The following KLHDC7A variants were observed in gnomAD, a reference collection of about 807,000 sequenced individuals.
KLHDC7A encodes kelch domain-containing protein 7A.
For missense variants in KLHDC7A, 1,123 were observed against 1,052.6 expected, an observed-to-expected ratio of 1.07 and a Z score of -0.93; for synonymous variants, 464 against 461.0, an observed-to-expected ratio of 1.01 and a Z score of -0.08.
chr1:18,482,197 C>G lies in KLHDC7A; in HGVS notation c.1216C>G (p.His406Asp), dbSNP rs940673438. 1 of 1,610,808 alleles carries G rather than the reference C, an allele frequency of 6.2e-7. No homozygotes were observed. Among genetic ancestry groups the G allele is most frequent in the Non-Finnish European group, 8.5e-7 (1 of 1,179,888 alleles). Residue 406 changes from histidine to aspartate, a missense_variant, in exon 1 of 1, where the codon CAT becomes GAT. Coordinates refer to ENST00000400664, the MANE Select transcript of KLHDC7A (RefSeq NM_152375.3). Reference sequence around the variant, plus strand: ...CTTAGGCAGAAGCAGCCGGGAGCCCCATGTGCAGCCGGTGGCCGGGACCAA... The same window carrying G: ...CTTAGGCAGAAGCAGCCGGGAGCCCGATGTGCAGCCGGTGGCCGGGACCAA... ...PGLGRSSREP[H>D]VQPVAGTNFF...
chr1:18,481,772 C>T lies in KLHDC7A; in HGVS notation c.791C>T (p.Ser264Phe), dbSNP rs1252925653. The change falls in exon 1 of 1, where the codon TCC becomes TTC. Residue 264 changes from serine to phenylalanine, a missense_variant. By Grantham distance (155) the Ser-to-Phe change is radical. Transcript: ENST00000400664. ...GAPNSSYTFS[S>F]IARVRMEEHF... ...CCCAACTCCTCCTATACCTTCTCAT[C>T]CATAGCCCGCGTCCGAATGGAGGAG... 6.2e-7 allele frequency: 1 copy of T among 1,613,980 alleles called. No homozygotes were observed. The highest frequency in any genetic ancestry group is 8.5e-7 in the Non-Finnish European group (1 of 1,180,012).
Position 18,481,476 on chromosome 1 carries a change from G to A in KLHDC7A, c.495G>A (p.Pro165=), listed in dbSNP as rs769337343. 1.9e-6 allele frequency: 3 copies of A among 1,613,628 alleles called. No individual in the cohort carries two copies. The highest frequency in any genetic ancestry group is 2.5e-6 in the Non-Finnish European group (3 of 1,180,006). The change falls in exon 1 of 1, where the codon CCG becomes CCA. Residue 165 remains proline (P), a synonymous_variant. Coordinates refer to ENST00000400664, the MANE Select transcript of KLHDC7A (RefSeq NM_152375.3). ...ATTTCCCCCGCTTGGGCAGCGAACC[G>A]AAGAGCTCCCCAGCTGGACTCATTG... is the stretch of plus-strand genomic sequence containing the variant. The part of the protein sequence containing the change: ...PPHFPRLGSE[P]KSSPAGLIAA...
Position 18,483,908 on chromosome 1 carries a change from A to T in KLHDC7A, c.*593A>T. 1 of 1,302,396 alleles carries T rather than the reference A, an allele frequency of 7.7e-7. No homozygotes were observed. Among genetic ancestry groups the T allele is most frequent in the Non-Finnish European group, 1.0e-6 (1 of 988,064 alleles). The allele number at this position is 1,302,396 out of a possible 1,614,324, so 80.7% of individuals were successfully genotyped here. On this transcript the variant is annotated 3_prime_UTR_variant, in exon 1 of 1. Coordinates refer to ENST00000400664, the MANE Select transcript of KLHDC7A (RefSeq NM_152375.3). ...GGAGTGGTGGTTTGAAAAGTAGAAC[A>T]GCTGAAGCTGGGGCCAGCCTAGGAG...
Position 18,481,464 on chromosome 1 carries a change from G to C in KLHDC7A, c.483G>C (p.Leu161Phe). 1 of 1,613,712 alleles carries C rather than the reference G, an allele frequency of 6.2e-7. No individual in the cohort carries two copies. The highest frequency in any genetic ancestry group is 8.5e-7 in the Non-Finnish European group (1 of 1,180,008). The change falls in exon 1 of 1, where the codon TTG becomes TTC. Residue 161 changes from leucine to phenylalanine, a missense_variant. Physicochemically the swap from Leu to Phe is conservative, Grantham distance 22. Transcript: ENST00000400664. ...SNPDPPHFPR[L>F]GSEPKSSPAG... ...CTGACCCTCCCCATTTCCCCCGCTT[G>C]GGCAGCGAACCGAAGAGCTCCCCAG... is the stretch of plus-strand genomic sequence containing the variant.
rs550601820 is a variant in KLHDC7A, at chr1:18,483,584, G to A, written c.*269G>A. 4.5e-4 allele frequency: 619 copies of A among 1,362,882 alleles called. 7 individuals carry two copies. The Admixed American group carries it at 6.6e-3, about 15-fold the overall frequency. The allele number at this position is 1,362,882 out of a possible 1,614,324, so 84.4% of individuals were successfully genotyped here. A position where few individuals can be genotyped will look rare whatever the true frequency, so the allele number is the denominator to read the frequency against. ...GGCATTCATGTCTTCAGGGATGACC[G>A]CCCTTGCTTCAACTCTGAATTCTTG... On this transcript the variant is annotated 3_prime_UTR_variant, in exon 1 of 1. Transcript: ENST00000400664.
In KLHDC7A at chr1:18,483,609, G is replaced by A; in HGVS notation, c.*294G>A. 7.6e-7 allele frequency: 1 copy of A among 1,316,144 alleles called. No individual in the cohort carries two copies. Among genetic ancestry groups the A allele is most frequent in the Non-Finnish European group, 9.8e-7 (1 of 1,018,242 alleles). 81.5% of individuals were successfully genotyped at this position (1,316,144 alleles called of 1,614,324 possible). A position where few individuals can be genotyped will look rare whatever the true frequency, so the allele number is the denominator to read the frequency against. ...GCCCTTGCTTCAACTCTGAATTCTT[G>A]GGGGGATACACCGGGACCCCACCAA... is the stretch of plus-strand genomic sequence containing the variant. On this transcript the variant is annotated 3_prime_UTR_variant, in exon 1 of 1. Coordinates refer to ENST00000400664, the MANE Select transcript of KLHDC7A (RefSeq NM_152375.3).
chr1:18,485,226 T>A lies in KLHDC7A; in HGVS notation c.*1911T>A, dbSNP rs2086925641. On this transcript the variant is annotated 3_prime_UTR_variant, in exon 1 of 1. Transcript: ENST00000400664. ...CCTAGATCCAACCTTCAACCCCTAGTGAGGGGCCAGGCAGAGGACAAGGCA... is the reference window on the plus strand; with the variant it reads ...CCTAGATCCAACCTTCAACCCCTAGAGAGGGGCCAGGCAGAGGACAAGGCA... 1 of 166,518 alleles carries A rather than the reference T, an allele frequency of 6.0e-6. No homozygotes were observed. The highest frequency in any genetic ancestry group is 2.4e-5 in the African/African-American group (1 of 41,206). The allele number at this position is 166,518 out of a possible 1,614,324, so 10.3% of individuals were successfully genotyped here. A position where few individuals can be genotyped will look rare whatever the true frequency, so the allele number is the denominator to read the frequency against.
In KLHDC7A at chr1:18,483,652, C is replaced by A; in HGVS notation, c.*337C>A. 8.1e-7 allele frequency: 1 copy of A among 1,235,286 alleles called. No individual in the cohort carries two copies. The allele number at this position is 1,235,286 out of a possible 1,614,324, so 76.5% of individuals were successfully genotyped here. A position where few individuals can be genotyped will look rare whatever the true frequency, so the allele number is the denominator to read the frequency against. On this transcript the variant is annotated 3_prime_UTR_variant, in exon 1 of 1. Coordinates refer to ENST00000400664, the MANE Select transcript of KLHDC7A (RefSeq NM_152375.3). ...CCCACCAAAGCTTAGGGGGCATAGT[C>A]TTTTTGCAATCACAATTCTAGGAGC... is the stretch of plus-strand genomic sequence containing the variant.
Position 18,483,783 on chromosome 1 carries a change from T to C in KLHDC7A, c.*468T>C. On this transcript the variant is annotated 3_prime_UTR_variant, in exon 1 of 1. Transcript: ENST00000400664. The stretch of plus-strand genomic sequence containing the variant: ...CAGCCACTGGGCCCCACCTCCACAG[T>C]TCCCAGAAGCACCGGGACACACAGG... 5.0e-6 allele frequency: 6 copies of C among 1,209,722 alleles called. No individual in the cohort carries two copies. Among genetic ancestry groups the C allele is most frequent in the Non-Finnish European group, 5.3e-6 (5 of 946,842 alleles). 74.9% of individuals were successfully genotyped at this position (1,209,722 alleles called of 1,614,324 possible). A position where few individuals can be genotyped will look rare whatever the true frequency, so the allele number is the denominator to read the frequency against.
rs1325688639 is a variant in KLHDC7A at position 18,482,004 on chromosome 1, T to G, written c.1023T>G (p.Gly341=). ...GAGGCCAAGCCGGTGACACAAAGGG[T>G]GCAGCCGAAAGAGCCGCCTCCCCGC... ...ASGGQAGDTK[G]AAERAASPQT... The change falls in exon 1 of 1, where the codon GGT becomes GGG. Residue 341 remains glycine, a synonymous_variant. Transcript: ENST00000400664. 6.2e-7 allele frequency: 1 copy of G among 1,612,776 alleles called. No individual in the cohort carries two copies. Among genetic ancestry groups the G allele is most frequent in the Admixed American group, 1.7e-5 (1 of 59,992 alleles).
chr1:18,482,499 C>G lies in KLHDC7A; in HGVS notation c.1518C>G (p.Gly506=). Residue 506 remains glycine, a synonymous_variant, in exon 1 of 1, where the codon GGC becomes GGG. Transcript: ENST00000400664. ...ACGTGTGCCCCAAGGAAGACTCCGG[C>G]GGCCTCTGTTGCTATGACGATGAGC... ...VADVCPKEDS[G]GLCCYDDEQD... is the part of the protein sequence containing the mutation. 1 of 1,611,766 alleles carries G rather than the reference C, an allele frequency of 6.2e-7. No homozygotes were observed. Among genetic ancestry groups the G allele is most frequent in the Non-Finnish European group, 8.5e-7 (1 of 1,179,916 alleles).
rs1382559320 is a variant in KLHDC7A at position 18,481,990 on chromosome 1, G to A, written c.1009G>A (p.Gly337Ser). 3.1e-6 allele frequency: 5 copies of A among 1,612,830 alleles called. No homozygotes were observed. The highest frequency in any genetic ancestry group is 2.7e-5 in the African/African-American group (2 of 74,948). ...AGGGGCTGCCTCGGGAGGCCAAGCCGGTGACACAAAGGGTGCAGCCGAAAG... is the reference window on the plus strand; with the variant it reads ...AGGGGCTGCCTCGGGAGGCCAAGCCAGTGACACAAAGGGTGCAGCCGAAAG... ...GTGAASGGQA[G>S]DTKGAAERAA... is the part of the protein sequence containing the mutation. The change falls in exon 1 of 1, where the codon GGT becomes AGT. Residue 337 changes from glycine (G) to serine (S), a missense_variant. Transcript: ENST00000400664.
rs1331606262 is a variant in KLHDC7A at position 18,482,858 on chromosome 1, C to T, written c.1877C>T (p.Ala626Val). Residue 626 changes from alanine to valine, a missense_variant, in exon 1 of 1, where the codon GCG (alanine) becomes GTG (valine). Coordinates refer to ENST00000400664, the MANE Select transcript of KLHDC7A (RefSeq NM_152375.3). ...PPLPSDTFAL[A>V]HTATVRAKEI... ...CTCCCCAGTGACACGTTCGCCCTGGCGCACACGGCCACGGTGCGTGCCAAG... is the reference window on the plus strand; with the variant it reads ...CTCCCCAGTGACACGTTCGCCCTGGTGCACACGGCCACGGTGCGTGCCAAG... The T allele has an allele frequency of 6.2e-7, 1 of 1,611,626 alleles. No homozygotes were observed. Among genetic ancestry groups the T allele is most frequent in the Non-Finnish European group, 8.5e-7 (1 of 1,179,616 alleles).
In KLHDC7A at chr1:18,483,374, C is replaced by A. The variant is rs190841141; in HGVS notation, c.*59C>A. ...GGGGCCACCGGGCTCCACTGCCAGC[C>A]GTCCCTCTGGGGGCCATTTCTAGGC... On this transcript the variant is annotated 3_prime_UTR_variant, in exon 1 of 1. Coordinates refer to ENST00000400664, the MANE Select transcript of KLHDC7A (RefSeq NM_152375.3). The A allele has an allele frequency of 7.0e-6, 11 of 1,569,124 alleles. No homozygotes were observed. The highest frequency in any genetic ancestry group is 8.7e-6 in the Non-Finnish European group (10 of 1,155,904).
At position 18,482,761 on chromosome 1, in the gene KLHDC7A, A is replaced by G; in HGVS notation, c.1780A>G (p.Ile594Val). 1.2e-6 allele frequency: 2 copies of G among 1,610,336 alleles called. No homozygotes were observed. Among genetic ancestry groups the G allele is most frequent in the South Asian group, 1.1e-5 (1 of 90,816 alleles). Reference sequence around the variant, plus strand: ...GGCCCTGGACGGGCACCTGTATGCCATCGGCGGAGAGTGTCTGAACTCGGT... The same window carrying G: ...GGCCCTGGACGGGCACCTGTATGCCGTCGGCGGAGAGTGTCTGAACTCGGT... ...LVALDGHLYA[I>V]GGECLNSVER... is the part of the protein sequence containing the mutation. The change falls in exon 1 of 1, where the codon ATC becomes GTC. Residue 594 changes from isoleucine to valine, a missense_variant. Coordinates refer to ENST00000400664, the MANE Select transcript of KLHDC7A (RefSeq NM_152375.3).
chr1:18,483,653 T>C lies in KLHDC7A; in HGVS notation c.*338T>C, dbSNP rs1022053196. The C allele has an allele frequency of 5.7e-6, 7 of 1,230,536 alleles. No homozygotes were observed. The African/African-American group carries it at 7.8e-5, about 14-fold the overall frequency. 76.2% of individuals were successfully genotyped at this position (1,230,536 alleles called of 1,614,324 possible). ...CCACCAAAGCTTAGGGGGCATAGTC[T>C]TTTTGCAATCACAATTCTAGGAGCC... On this transcript the variant is annotated 3_prime_UTR_variant, in exon 1 of 1. Transcript: ENST00000400664.
rs1012129635 is a variant in KLHDC7A at position 18,482,313 on chromosome 1, G to A, written c.1332G>A (p.Arg444=). The A allele has an allele frequency of 6.2e-7, 1 of 1,602,116 alleles. No individual in the cohort carries two copies. Among genetic ancestry groups the A allele is most frequent in the Non-Finnish European group, 8.5e-7 (1 of 1,179,946 alleles). ...NCYEVLTLAK[R]QNLEALKEAA... is the part of the protein sequence containing the mutation. ...ATGAGGTGCTGACCTTGGCCAAGAG[G>A]CAGAACCTGGAGGCCCTGAAAGAGG... Residue 444 remains arginine, a synonymous_variant, in exon 1 of 1, where the codon AGG becomes AGA. Coordinates refer to ENST00000400664, the MANE Select transcript of KLHDC7A (RefSeq NM_152375.3).
rs1336583138 is a variant in KLHDC7A at position 18,482,695 on chromosome 1, G to C, written c.1714G>C (p.Val572Leu). The C allele has an allele frequency of 3.7e-6, 6 of 1,609,514 alleles. No homozygotes were observed. Among genetic ancestry groups the C allele is most frequent in the Non-Finnish European group, 5.1e-6 (6 of 1,179,316 alleles). The part of the protein sequence containing the change: ...YNPLTGIWSE[V>L]CPLNQARPHC... ...CCCGCTCACGGGGATCTGGAGCGAG[G>C]TGTGCCCGCTGAACCAGGCCCGGCC... Residue 572 changes from valine (V) to leucine (L), a missense_variant, in exon 1 of 1, where the codon GTG (valine) becomes CTG (leucine). Val to Leu is a conservative substitution (Grantham distance 32). Transcript: ENST00000400664.
In KLHDC7A at chr1:18,481,698, C is replaced by G. The variant is rs1428123043; in HGVS notation, c.717C>G (p.Leu239=). ...TCAGCAGAGAAGAGGCTGGGGCTCT[C>G]GAGGCTGCCTCCGATGTTGACCTGA... ...IGVSREEAGA[L]EAASDVDLTL... is the part of the protein sequence containing the mutation. Residue 239 remains leucine (L), a synonymous_variant, in exon 1 of 1, where the codon CTC becomes CTG. Transcript: ENST00000400664. The G allele has an allele frequency of 1.2e-5, 19 of 1,614,056 alleles. No individual in the cohort carries two copies. The highest frequency in any genetic ancestry group is 1.6e-5 in the Non-Finnish European group (19 of 1,180,022).
Sources: allele counts gnomAD v4.1 joint callset, GRCh38; gene constraint gnomAD v4.1.1; transcripts MANE v1.5; gene names NCBI Gene and HGNC (gene_info 2026-07-23, HGNC 2026-07-21).